FPR3: variants seen among roughly 807,000 people sequenced by gnomAD.
The protein encoded by FPR3 is formyl peptide receptor 3.
For synonymous variants in FPR3, 135 were observed against 163.6 expected, an observed-to-expected ratio of 0.83 and a Z score of 1.34; for missense variants, 346 against 443.2, an observed-to-expected ratio of 0.78 and a Z score of 1.97.
At chr19:51,796,780 C>T (rs1401449312) in intron 1 of FPR3, among the ~76,000 whole-genome samples, 1 of 152,140 alleles carries the variant, frequency 6.6e-6, no homozygotes, top group African/African-American at 2.4e-5. Flanking sequence ...AGGCAGAGAA[C>T]ATCAACAGTT....
chr19:51,800,816 G>A (rs74256604), intron 1 of FPR3, among the ~76,000 whole-genome samples: 18,178 of 152,120 alleles, frequency 0.12, 1,319 homozygotes, highest in East Asian at 0.25. Context: ...ATACCACTGG[G>A]ATCTTGTCCA....
rs1206467787 is a variant in FPR3, at chr19:51,795,178, T to C, written c.-164T>C. 9.8e-5 allele frequency: 15 copies of C among 152,336 alleles called. No individual in the cohort carries two copies. In the South Asian group the frequency reaches 2.3e-3, roughly 23 times the overall value. The allele number at this position is 152,336 out of a possible 1,614,324, so 9.4% of individuals were successfully genotyped here. A position where few individuals can be genotyped will look rare whatever the true frequency, so the allele number is the denominator to read the frequency against. On this transcript the variant is annotated 5_prime_UTR_variant, in exon 1 of 2. Transcript: ENST00000339223. The stretch of plus-strand genomic sequence containing the variant: ...CTATCAAAACACTCATTTTGTTTTA[T>C]AGCATGACAGGCTGTCTGATTCCAT...
chr19:51,819,422 G>A (rs1473796553), intron 1 of FPR3, among the ~76,000 whole-genome samples: 1 of 152,188 alleles, frequency 6.6e-6, no homozygotes, highest in African/African-American at 2.4e-5. Context: ...AAACTGGACT[G>A]AAAAGAGGTG....
chr19:51,796,256 G>A (rs773745220), intron 1 of FPR3, among the ~76,000 whole-genome samples: 7 of 152,198 alleles, frequency 4.6e-5, no homozygotes, highest in Non-Finnish European at 1.5e-5. Context: ...AGATGACAAA[G>A]AGCTGCAAGT....
intron 1 of FPR3, among the ~76,000 whole-genome samples, chr19:51,809,298 A>G (rs2084081659): frequency 6.6e-6 from 1 of 152,126 alleles, no homozygotes; most frequent in African/African-American, 2.4e-5. Flanking sequence ...AGCTGTTCCT[A>G]CTCCCACTAG....
intron 1 of FPR3, among the ~76,000 whole-genome samples, chr19:51,821,162 G>C (rs550679867): frequency 7.2e-5 from 11 of 152,302 alleles, no homozygotes; most frequent in African/African-American, 2.6e-4. Context: ...TCACCTGAAA[G>C]TTAGACTTCA....
At position 51,825,069 on chromosome 19, in the gene FPR3, C is replaced by G; in HGVS notation, c.*259C>G. ...AGGTTTAAGGGCTCATTCCCCAAGT[C>G]TGCTCCTCCAGTTGAGACACAAGTC... On this transcript the variant is annotated 3_prime_UTR_variant, in exon 2 of 2. Transcript: ENST00000339223. 4 of 384,308 alleles carry G rather than the reference C, an allele frequency of 1.0e-5. No individual in the cohort carries two copies. Among genetic ancestry groups the G allele is most frequent in the Non-Finnish European group, 2.0e-5 (4 of 204,602 alleles). 23.8% of individuals were successfully genotyped at this position (384,308 alleles called of 1,614,324 possible). A position where few individuals can be genotyped will look rare whatever the true frequency, so the allele number is the denominator to read the frequency against.
intron 1 of FPR3, among the ~76,000 whole-genome samples, chr19:51,814,775 G>A (rs2084122402): frequency 6.6e-6 from 1 of 151,818 alleles, no homozygotes; most frequent in African/African-American, 2.4e-5. Flanking sequence ...TTACAGGCAT[G>A]AGCCACTGCA....
intron 1 of FPR3, among the ~76,000 whole-genome samples, chr19:51,810,559 A>G (rs1028509853): frequency 6.6e-6 from 1 of 152,220 alleles, no homozygotes; most frequent in African/African-American, 2.4e-5. Context: ...AATAAGGGCC[A>G]TTACCTAATA....
rs1184930938 is a variant in FPR3, at chr19:51,825,976, C to T, written c.*1166C>T. On this transcript the variant is annotated 3_prime_UTR_variant, in exon 2 of 2. Transcript: ENST00000339223. ...TTCTGGGGCTTTCTCTTTTTAAAGT[C>T]AGACTGTTGAAGGTTTCTTCTATTC... 3 of 166,884 alleles carry T rather than the reference C, an allele frequency of 1.8e-5. No homozygotes were observed. Among genetic ancestry groups the T allele is most frequent in the African/African-American group, 7.2e-5 (3 of 41,452 alleles). The allele number at this position is 166,884 out of a possible 1,614,324, so 10.3% of individuals were successfully genotyped here. A position where few individuals can be genotyped will look rare whatever the true frequency, so the allele number is the denominator to read the frequency against.
intron 1 of FPR3, among the ~76,000 whole-genome samples, chr19:51,796,559 AGCCTGACAGG>A (rs2084000302): frequency 6.6e-6 from 1 of 152,208 alleles, no homozygotes; most frequent in Non-Finnish European, 1.5e-5. Context: ...CAAATATCCA[AGCCTGACAGG>A]GCCATGGACA....
chr19:51,795,504 C>CCTTTTTTTTTTTTTTT lies in FPR3; in HGVS notation c.-11+173_-11+174insCTTTTTTTTTTTTTTT, dbSNP rs1568425575. Among the ~76,000 whole-genome samples, 11 of 74,732 alleles carry CCTTTTTTTTTTTTTTT rather than the reference C, an allele frequency of 1.5e-4. 3 individuals are homozygous for CCTTTTTTTTTTTTTTT. Among genetic ancestry groups the CCTTTTTTTTTTTTTTT allele is most frequent in the Non-Finnish European group, 1.6e-4 (7 of 43,152 alleles). 49.0% of individuals were successfully genotyped at this position (74,732 alleles called of 152,430 possible). Reference sequence around the variant, plus strand: ...TTTGGTTACATGTTCCAGTAACATTCTTTTTTTTTTTTTTTTTTTTTTTTT... The same window carrying CCTTTTTTTTTTTTTTT: ...TTTGGTTACATGTTCCAGTAACATTCCTTTTTTTTTTTTTTTTTTTTTTTTTTTTTTTTTTTTTTTT... On this transcript the variant is annotated intron_variant, in intron 1 of 1. Transcript: ENST00000339223.
intron 1 of FPR3, among the ~76,000 whole-genome samples, chr19:51,804,547 T>G (rs2122419694): frequency 6.6e-6 from 1 of 152,308 alleles, no homozygotes; most frequent in East Asian, 1.9e-4. Context: ...AAAAAAATTA[T>G]GTAACAAAAG....
At chr19:51,814,967 G>A (rs900266497) in intron 1 of FPR3, among the ~76,000 whole-genome samples, 1 of 151,476 alleles carries the variant, frequency 6.6e-6, no homozygotes, top group Non-Finnish European at 1.5e-5. Context: ...CTGCCACCAC[G>A]TCTGGCTAAT....
At chr19:51,797,873 T>C (rs2084008652) in intron 1 of FPR3, among the ~76,000 whole-genome samples, 1 of 128,042 alleles carries the variant, frequency 7.8e-6, no homozygotes, top group South Asian at 2.6e-4. Context: ...TTTCCATGTC[T>C]ATTCTTTTTT....
chr19:51,823,089 C>T (rs1263909924), intron 1 of FPR3, among the ~76,000 whole-genome samples: 1 of 152,114 alleles, frequency 6.6e-6, no homozygotes, highest in African/African-American at 2.4e-5. Context: ...TCTCCAACTC[C>T]TGATCTCAAG....
chr19:51,814,632 T>C (rs2084121169), intron 1 of FPR3, among the ~76,000 whole-genome samples: 1 of 152,088 alleles, frequency 6.6e-6, no homozygotes, highest in African/African-American at 2.4e-5. Context: ...CAGCTGGGAC[T>C]ACAGGCATGT....
Position 51,801,255 on chromosome 19 carries a change from G to A in FPR3, c.-11+5924G>A, listed in dbSNP as rs188150754. Among the ~76,000 whole-genome samples, 540 of 151,912 alleles carry A rather than the reference G, an allele frequency of 3.6e-3. 1 individual carries two copies. The highest frequency in any genetic ancestry group is 0.013 in the African/African-American group (520 of 41,446). ...TTTATGAAGAAACTTCTAGATATGG[G>A]GGTGACAAAAGGAAATTAAATCCAT... On this transcript the variant is annotated intron_variant, in intron 1 of 1. Coordinates refer to ENST00000339223, the MANE Select transcript of FPR3 (RefSeq NM_002030.5).
intron 1 of FPR3, among the ~76,000 whole-genome samples, chr19:51,805,579 G>T (rs1479559946): frequency 6.6e-6 from 1 of 152,164 alleles, no homozygotes; most frequent in Non-Finnish European, 1.5e-5. Flanking sequence ...CGCAATTGCC[G>T]CTGCAACTGC....
Sources: allele counts gnomAD v4.1 joint callset (sites outside exome capture counted in the v4.1 genomes callset), GRCh38; gene constraint gnomAD v4.1.1; transcripts MANE v1.5; gene names NCBI Gene and HGNC (gene_info 2026-07-23, HGNC 2026-07-21).